The following NANOS3 variants were observed in gnomAD, a reference collection of about 807,000 sequenced individuals.
NANOS3 encodes nanos homolog 3.
In NANOS3, 11 loss-of-function variants were observed where a neutral mutation model predicts 13.8. The observed-to-expected ratio is 0.80, with a 90% CI of 0.50 to 1.32. The LOEUF is 1.32. Among genes scored for constraint, NANOS3 ranks in the 40% most tolerant of loss-of-function variants. NANOS3 has a pLI of 0.00. For synonymous variants in NANOS3, 119 were observed against 115.4 expected (o/e 1.03, Z -0.20); for missense variants, 221 against 263.8 (o/e 0.84, Z 1.12).
In NANOS3 at chr19:13,877,497, C is replaced by T. The variant is rs749625129; in HGVS notation, c.249C>T (p.Asn83=). The T allele has an allele frequency of 5.0e-6, 8 of 1,611,334 alleles. No homozygotes were observed. Among genetic ancestry groups the T allele is most frequent in the Middle Eastern group, 1.6e-4 (1 of 6,084 alleles). The change falls in exon 1 of 2, where the codon AAC becomes AAT. Residue 83 remains asparagine, a synonymous_variant. Transcript: ENST00000339133. ...GCCTGTGCTCTTTCTGCAAACACAA[C>T]GGCGAGTCCCGGGCCATCTACCAGT... ...PERLCSFCKH[N]GESRAIYQSH...
chr19:13,862,362 CTG>C (rs748771510), upstream of NANOS3, among the ~76,000 whole-genome samples: 5 of 152,058 alleles, frequency 3.3e-5, no homozygotes, highest in Non-Finnish European at 7.4e-5. Flanking sequence ...GGGGAGGAGA[CTG>C]CGCTGAGAGC....
chr19:13,875,982 G>C (rs2145077771), upstream of NANOS3, among the ~76,000 whole-genome samples: 1 of 152,220 alleles, frequency 6.6e-6, no homozygotes, highest in Admixed American at 6.5e-5. Flanking sequence ...TAGGTACTAG[G>C]GGTCCCCTCC....
At position 13,877,494 on chromosome 19, in the gene NANOS3, C is replaced by A. The variant is rs1183889264; in HGVS notation, c.246C>A (p.His82Gln). ...AACGCCTGTGCTCTTTCTGCAAACA[C>A]AACGGCGAGTCCCGGGCCATCTACC... The part of the protein sequence containing the change: ...APERLCSFCK[H>Q]NGESRAIYQS... The change falls in exon 1 of 2, where the codon CAC (histidine) becomes CAA (glutamine). Residue 82 changes from histidine to glutamine, a missense_variant. Physicochemically the swap from His to Gln is conservative, Grantham distance 24. This residue lies in a region of NANOS3 where 112 missense variants were observed against 116.3 expected (regional missense o/e 0.96). Transcript: ENST00000339133. The A allele has an allele frequency of 1.2e-6, 2 of 1,611,618 alleles. No homozygotes were observed. Among genetic ancestry groups the A allele is most frequent in the Non-Finnish European group, 1.7e-6 (2 of 1,179,994 alleles).
upstream of NANOS3, chr19:13,874,824 GAC>G (rs1241084340): frequency 1.9e-6 from 1 of 531,216 alleles, no homozygotes; most frequent in East Asian, 5.5e-5. Flanking sequence ...CGGTGACTCT[GAC>G]CTTCCAGATC....
chr19:13,869,836 T>C, intron 1 of NANOS3, among the ~76,000 whole-genome samples: 1 of 150,426 alleles, frequency 6.6e-6, no homozygotes, highest in East Asian at 2.0e-4. Flanking sequence ...CACAGGAGCA[T>C]ATATATAGGT....
At chr19:13,862,915 A>T (rs962625956), upstream of NANOS3, among the ~76,000 whole-genome samples, 3 of 152,256 alleles carry the variant, frequency 2.0e-5, no homozygotes, top group Non-Finnish European at 4.4e-5. Context: ...ATCTGTGGAA[A>T]GGGCAGTATT....
At chr19:13,866,510 C>G (rs994900832) in intron 1 of NANOS3, among the ~76,000 whole-genome samples, 3 of 152,212 alleles carry the variant, frequency 2.0e-5, no homozygotes, top group African/African-American at 7.2e-5. Flanking sequence ...GAAAGTGATG[C>G]TGACACACAC....
Position 13,867,412 on chromosome 19 carries a change from G to A in NANOS3, n.21+1975G>A, listed in dbSNP as rs114305937. On this transcript the variant is annotated intron_variant and non_coding_transcript_variant, in intron 1 of 2. Transcript: ENST00000591161. ...CCCGAGTAGCTGGGAGAACAGGTGC[G>A]CACCACCACACCTGGGTAATTTTTG... Among the ~76,000 whole-genome samples, 304 of 152,012 alleles carry A rather than the reference G, an allele frequency of 2.0e-3. 1 individual carries two copies. The highest frequency in any genetic ancestry group is 7.0e-3 in the African/African-American group (290 of 41,454).
chr19:13,874,902 T>G (rs1179350053), upstream of NANOS3: 1 of 527,506 alleles, frequency 1.9e-6, no homozygotes, highest in Admixed American at 2.0e-5. Context: ...ACAGCCGAGG[T>G]CACAATCAAC....
At chr19:13,875,431 C>G (rs970036301), upstream of NANOS3, among the ~76,000 whole-genome samples, 4 of 152,064 alleles carry the variant, frequency 2.6e-5, no homozygotes, top group Admixed American at 2.6e-4. Context: ...AAGTAATCCT[C>G]CCCCCTCGGC....
At chr19:13,864,081 G>A (rs115148610), upstream of NANOS3, among the ~76,000 whole-genome samples, 826 of 152,200 alleles carry the variant, frequency 5.4e-3, 12 homozygotes, top group African/African-American at 0.019. Context: ...GCTGCCTGGC[G>A]CCATGGTTTG....
intron 1 of NANOS3, among the ~76,000 whole-genome samples, chr19:13,878,101 G>A (rs568232799): frequency 6.0e-4 from 91 of 152,108 alleles, no homozygotes; most frequent in African/African-American, 2.1e-3. Context: ...GCTAAATTTT[G>A]TATTTTTAGT....
upstream of NANOS3, among the ~76,000 whole-genome samples, chr19:13,872,423 C>T (rs979647978): frequency 6.6e-6 from 1 of 151,948 alleles, no homozygotes; most frequent in African/African-American, 2.4e-5. Context: ...CTTCTGGGCT[C>T]CAGCCATCCT....
Position 13,877,223 on chromosome 19 carries a change from TTCC to T in NANOS3, c.-25_-23del. 1.3e-6 allele frequency: 2 copies of T among 1,582,372 alleles called. No individual in the cohort carries two copies. The highest frequency in any genetic ancestry group is 1.7e-6 in the Non-Finnish European group (2 of 1,159,518). ...CAGGGTTACTTGTCTCTGTGACTCC[TTCC>T]GCCTGGCACATGCTGCCCAGCTATG... On this transcript the variant is annotated 5_prime_UTR_variant, in exon 1 of 2. Transcript: ENST00000339133.
At chr19:13,872,360 A>AAGAGAG (rs1294694168), upstream of NANOS3, among the ~76,000 whole-genome samples, 83 of 141,160 alleles carry the variant, frequency 5.9e-4, no homozygotes, top group Middle Eastern at 3.6e-3. Context: ...AAAAAAAAAA[A>AAGAGAG]AGAGAGAGAG....
chr19:13,866,104 G>C (rs945657994), intron 1 of NANOS3, among the ~76,000 whole-genome samples: 1 of 152,156 alleles, frequency 6.6e-6, no homozygotes, highest in Admixed American at 6.5e-5. Context: ...TGTCATTACC[G>C]GCAGCAGCTG....
chr19:13,867,322 G>A (rs1301271793), intron 1 of NANOS3, among the ~76,000 whole-genome samples: 1 of 123,598 alleles, frequency 8.1e-6, no homozygotes, highest in Non-Finnish European at 1.9e-5. Flanking sequence ...TAGGCTCACT[G>A]CAATCTAGGC....
upstream of NANOS3, among the ~76,000 whole-genome samples, chr19:13,876,946 G>A (rs139331282): frequency 6.6e-6 from 1 of 152,038 alleles, no homozygotes; most frequent in Non-Finnish European, 1.5e-5. Flanking sequence ...GGTGCACCTC[G>A]CAGGATGCCC....
chr19:13,863,603 C>G (rs554412080), upstream of NANOS3, among the ~76,000 whole-genome samples: 13 of 152,112 alleles, frequency 8.5e-5, no homozygotes, highest in Non-Finnish European at 1.9e-4. Flanking sequence ...ACTGGCCCCC[C>G]CCAACCCCAT....
Sources: gnomAD v4.1 joint callset for allele counts (sites outside exome capture counted in the v4.1 genomes callset) on GRCh38, gnomAD v4.1.1 for gene constraint, gnomAD v4.1.1 regional missense constraint, MANE v1.5 for transcripts, NCBI Gene and HGNC (gene_info 2026-07-23, HGNC 2026-07-21) for gene names.